NKAIN3: variants seen among roughly 807,000 people sequenced by gnomAD.
The protein encoded by NKAIN3 is sodium/potassium transporting ATPase interacting 3.
NKAIN3 carries 25 observed loss-of-function variants against 30.2 expected under a neutral mutation model. That is an observed-to-expected ratio of 0.83 (90% CI 0.60 to 1.16). The LOEUF is 1.16. NKAIN3 is among the 50% of genes most tolerant of loss of function. NKAIN3 has a pLI of 0.00. For synonymous variants in NKAIN3, 91 were observed against 89.6 expected (o/e 1.02, Z -0.09); for missense variants, 225 against 254.1 (o/e 0.89, Z 0.78).
Position 62,965,979 on chromosome 8 carries a change from C to A in NKAIN3, c.*572C>A, listed in dbSNP as rs1180300768. 17 of 984,758 alleles carry A rather than the reference C, an allele frequency of 1.7e-5. No homozygotes were observed. The highest frequency in any genetic ancestry group is 2.0e-5 in the Non-Finnish European group (17 of 829,548). 61.0% of individuals were successfully genotyped at this position (984,758 alleles called of 1,614,324 possible). A position where few individuals can be genotyped will look rare whatever the true frequency, so the allele number is the denominator to read the frequency against. On this transcript the variant is annotated 3_prime_UTR_variant, in exon 7 of 7. Coordinates refer to ENST00000623646, the MANE Select transcript of NKAIN3 (RefSeq NM_001304533.3). ...TCCTTTGTTCCTGACTTCTTAAAAC[C>A]CAGAACGATATTATGGCAATCTAAA... is the stretch of plus-strand genomic sequence containing the variant.
At position 62,495,095 on chromosome 8, in the gene NKAIN3, C is replaced by A. The variant is rs1340021917; in HGVS notation, c.55-84444C>A. On this transcript the variant is annotated intron_variant, in intron 1 of 6. Coordinates refer to ENST00000623646, the MANE Select transcript of NKAIN3 (RefSeq NM_001304533.3). ...CCTTTATTGCATGGTTATTTCCTGTCTCTTACTATCCATCTTCATATCTAG... is the reference window on the plus strand; with the variant it reads ...CCTTTATTGCATGGTTATTTCCTGTATCTTACTATCCATCTTCATATCTAG... 2.0e-5 allele frequency among the ~76,000 whole-genome samples: 3 copies of A among 152,196 alleles called. No individual in the cohort carries two copies. In the South Asian group the frequency reaches 6.2e-4, roughly 32 times the overall value.
At chr8:62,489,894 G>A (rs1039933109) in intron 1 of NKAIN3, among the ~76,000 whole-genome samples, 3 of 152,152 alleles carry the variant, frequency 2.0e-5, no homozygotes, top group Admixed American at 1.3e-4. Context: ...CTGGCTTCCA[G>A]TTCAACTTCA....
intron 1 of NKAIN3, among the ~76,000 whole-genome samples, chr8:62,256,993 A>G (rs1033488347): frequency 1.3e-5 from 2 of 152,230 alleles, no homozygotes; most frequent in Non-Finnish European, 1.5e-5. Flanking sequence ...TAATAATAGT[A>G]TATACTTATG....
intron 1 of NKAIN3, among the ~76,000 whole-genome samples, chr8:62,326,073 T>C (rs1306550234): frequency 1.3e-5 from 2 of 151,902 alleles, no homozygotes; most frequent in African/African-American, 4.8e-5. Flanking sequence ...TTAATTTTGC[T>C]ATATTTATTT....
intron 1 of NKAIN3, among the ~76,000 whole-genome samples, chr8:62,300,873 C>A (rs1368146473): frequency 2.0e-5 from 3 of 152,048 alleles, no homozygotes; most frequent in African/African-American, 7.2e-5. Flanking sequence ...TCTCCTTAGC[C>A]AGACTTCGAA....
chr8:62,546,784 A>T (rs1395773807), intron 1 of NKAIN3, among the ~76,000 whole-genome samples: 1 of 152,208 alleles, frequency 6.6e-6, no homozygotes, highest in Non-Finnish European at 1.5e-5. Context: ...AAGAAAAGGA[A>T]ATAAAATTGT....
chr8:62,510,519 T>C (rs901626173), intron 1 of NKAIN3, among the ~76,000 whole-genome samples: 1 of 152,088 alleles, frequency 6.6e-6, no homozygotes, highest in Non-Finnish European at 1.5e-5. Flanking sequence ...GGGAAGGTGA[T>C]GGGTTTGTTA....
At chr8:62,503,347 C>G (rs1202440290) in intron 1 of NKAIN3, among the ~76,000 whole-genome samples, 1 of 152,062 alleles carries the variant, frequency 6.6e-6, no homozygotes, top group Non-Finnish European at 1.5e-5. Context: ...CTTCAAGGGG[C>G]AAAAGGCAGA....
chr8:62,672,098 G>GA (rs1212548996), intron 3 of NKAIN3, among the ~76,000 whole-genome samples: 2 of 152,172 alleles, frequency 1.3e-5, no homozygotes, highest in Non-Finnish European at 2.9e-5. Flanking sequence ...TTGGGAAGTG[G>GA]AAAATGCAGA....
At chr8:62,324,887 A>G (rs899091259) in intron 1 of NKAIN3, among the ~76,000 whole-genome samples, 15 of 151,834 alleles carry the variant, frequency 9.9e-5, no homozygotes, top group African/African-American at 2.9e-4. Flanking sequence ...AATCTTGAAC[A>G]TTTGTGTTTT....
rs191106294 is a variant in NKAIN3 at position 62,762,041 on chromosome 8, C to T, written c.471+14912C>T. Among the ~76,000 whole-genome samples the T allele has an allele frequency of 8.5e-5, 13 of 152,258 alleles. No homozygotes were observed. The East Asian group carries it at 2.5e-3, about 29-fold the overall frequency. On this transcript the variant is annotated intron_variant, in intron 4 of 6. Coordinates refer to ENST00000623646, the MANE Select transcript of NKAIN3 (RefSeq NM_001304533.3). ...TCTCTTAGGAAGTAGCATTGCTGGA[C>T]ATGGTAGCTCACGCCTGTAATCCCA... is the stretch of plus-strand genomic sequence containing the variant.
intron 4 of NKAIN3, among the ~76,000 whole-genome samples, chr8:62,872,216 C>G (rs1161885758): frequency 1.3e-5 from 2 of 152,166 alleles, no homozygotes; most frequent in Non-Finnish European, 2.9e-5. Context: ...GCCTACACAG[C>G]GAAAAGCACC....
intron 3 of NKAIN3, among the ~76,000 whole-genome samples, chr8:62,676,157 G>A (rs1813468608): frequency 6.6e-6 from 1 of 152,216 alleles, no homozygotes; most frequent in South Asian, 2.1e-4. Context: ...GAAGCTCAGA[G>A]AGAGTAAGTA....
intron 3 of NKAIN3, among the ~76,000 whole-genome samples, chr8:62,700,782 C>T (rs1408669735): frequency 6.6e-6 from 1 of 152,190 alleles, no homozygotes; most frequent in Non-Finnish European, 1.5e-5. Flanking sequence ...GATTCTTCAA[C>T]AAACATAGTT....
intron 3 of NKAIN3, among the ~76,000 whole-genome samples, chr8:62,603,440 A>T (rs1367848538): frequency 6.6e-6 from 1 of 152,184 alleles, no homozygotes; most frequent in East Asian, 1.9e-4. Flanking sequence ...GGAGCCTCAG[A>T]TAACAATTAC....
intron 5 of NKAIN3, among the ~76,000 whole-genome samples, chr8:62,922,559 T>C (rs1056720112): frequency 6.6e-6 from 1 of 152,124 alleles, no homozygotes; most frequent in African/African-American, 2.4e-5. Context: ...AACCAGTCCA[T>C]TGTTTTGCAC....
At position 62,965,898 on chromosome 8, in the gene NKAIN3, C is replaced by A; in HGVS notation, c.*491C>A. 2.0e-6 allele frequency: 2 copies of A among 985,214 alleles called. No homozygotes were observed. The highest frequency in any genetic ancestry group is 2.4e-6 in the Non-Finnish European group (2 of 829,814). 61.0% of individuals were successfully genotyped at this position (985,214 alleles called of 1,614,324 possible). ...AAATAGGTACAAATAATGGATCCAG[C>A]TTTTGGATTGAATATGGGTCATTTT... On this transcript the variant is annotated 3_prime_UTR_variant, in exon 7 of 7. Transcript: ENST00000623646.
chr8:62,875,703 T>C (rs4292679), intron 4 of NKAIN3, among the ~76,000 whole-genome samples: 34,804 of 151,948 alleles, frequency 0.23, 4,894 homozygotes, highest in Non-Finnish European at 0.33. Context: ...TCGACAAACT[T>C]GACAAAAACA....
chr8:62,455,227 T>A (rs1193717218), intron 1 of NKAIN3, among the ~76,000 whole-genome samples: 2 of 152,226 alleles, frequency 1.3e-5, no homozygotes, highest in Non-Finnish European at 2.9e-5. Flanking sequence ...GACACTTGCA[T>A]TCATTTGTCT....
Sources: allele counts gnomAD v4.1 joint callset (sites outside exome capture counted in the v4.1 genomes callset), GRCh38; gene constraint gnomAD v4.1.1; transcripts MANE v1.5; gene names NCBI Gene and HGNC (gene_info 2026-07-23, HGNC 2026-07-21).